The following GRIK2 variants were observed in gnomAD, a reference collection of about 807,000 sequenced individuals.
The protein encoded by GRIK2 is glutamate receptor ionotropic, kainate 2.
GRIK2 carries 32 observed loss-of-function variants against 100.3 expected under a neutral mutation model. The ratio of observed to expected loss-of-function variants is 0.32; its 90% CI spans 0.24 to 0.43. GRIK2 has a LOEUF of 0.43. GRIK2 is among the 20% of genes least tolerant of loss of function. The pLI is 1.00. For synonymous variants in GRIK2, 417 were observed against 389.4 expected (o/e 1.07, Z -0.83); for missense variants, 843 against 1,114.9 (o/e 0.76, Z 3.47).
chr6:102,046,442 TAGTG>T (rs745887346), intron 15 of GRIK2, among the ~76,000 whole-genome samples: 8 of 152,012 alleles, frequency 5.3e-5, no homozygotes, highest in African/African-American at 1.2e-4. Context: ...CTTCTTGTGA[TAGTG>T]AGTGAGTGCT....
At chr6:101,476,983 A>C (rs1173345376) in intron 2 of GRIK2, among the ~76,000 whole-genome samples, 1 of 152,166 alleles carries the variant, frequency 6.6e-6, no homozygotes, top group Non-Finnish European at 1.5e-5. Context: ...AGAGTAGCAA[A>C]CAATGGTTAA....
At chr6:101,856,425 G>A (rs1303108053) in intron 10 of GRIK2, among the ~76,000 whole-genome samples, 1 of 152,146 alleles carries the variant, frequency 6.6e-6, no homozygotes, top group South Asian at 2.1e-4. Flanking sequence ...TATTGGATAC[G>A]TGTGCCTAAG....
chr6:102,029,346 G>A (rs974063195), intron 14 of GRIK2, among the ~76,000 whole-genome samples: 2 of 151,168 alleles, frequency 1.3e-5, no homozygotes, highest in East Asian at 1.9e-4. Context: ...TGTTTTCCAC[G>A]TATAATCTTT....
chr6:101,958,372 A>G (rs1792078878), intron 14 of GRIK2, among the ~76,000 whole-genome samples: 1 of 151,124 alleles, frequency 6.6e-6, no homozygotes, highest in African/African-American at 2.4e-5. Context: ...TTATACATTG[A>G]TTTTGTATCC....
At chr6:101,431,572 G>GA (rs1255971170) in intron 2 of GRIK2, 4 of 151,778 alleles carry the variant, frequency 2.6e-5, no homozygotes, top group Admixed American at 6.5e-5. Context: ...AGTGGCAAGT[G>GA]AAAAAAAAGG....
chr6:101,789,228 A>G (rs1366878186), intron 7 of GRIK2, among the ~76,000 whole-genome samples: 1 of 152,072 alleles, frequency 6.6e-6, no homozygotes, highest in Non-Finnish European at 1.5e-5. Flanking sequence ...CCATTTGTCA[A>G]TTTTGGCTTT....
rs1443521242 is a variant in GRIK2, at chr6:101,399,152, C to T, written c.-126C>T. The T allele has an allele frequency of 4.8e-6, 3 of 621,280 alleles. No individual in the cohort carries two copies. The highest frequency in any genetic ancestry group is 1.8e-5 in the African/African-American group (1 of 54,398). 38.5% of individuals were successfully genotyped at this position (621,280 alleles called of 1,614,324 possible). A position where few individuals can be genotyped will look rare whatever the true frequency, so the allele number is the denominator to read the frequency against. On this transcript the variant is annotated 5_prime_UTR_variant, in exon 2 of 17. Transcript: ENST00000369134. ...GTTTGGGAAGCGGAGACTCCTTCCT[C>T]TCTCTATGACCATGCCGTGATCGTG... is the stretch of plus-strand genomic sequence containing the variant.
chr6:101,524,684 A>G (rs760000548), intron 2 of GRIK2, among the ~76,000 whole-genome samples: 9 of 149,938 alleles, frequency 6.0e-5, no homozygotes, highest in South Asian at 4.2e-4. Context: ...TCCTCCTCAC[A>G]TTAGTCAGAA....
chr6:101,523,920 C>T (rs1372749374), intron 2 of GRIK2, among the ~76,000 whole-genome samples: 1 of 151,962 alleles, frequency 6.6e-6, no homozygotes, highest in African/African-American at 2.4e-5. Context: ...TGGGGTTTCA[C>T]CATATTGGTC....
intron 12 of GRIK2, among the ~76,000 whole-genome samples, chr6:101,915,100 A>C (rs1319483075): frequency 1.3e-5 from 2 of 151,524 alleles, no homozygotes; most frequent in Non-Finnish European, 3.0e-5. Context: ...AAAAGTACTT[A>C]AATATGTACA....
intron 14 of GRIK2, among the ~76,000 whole-genome samples, chr6:102,024,210 A>C (rs1400818458): frequency 6.6e-6 from 1 of 150,746 alleles, no homozygotes; most frequent in African/African-American, 2.4e-5. Flanking sequence ...ACTCTGAGTG[A>C]CTTGTCAGTT....
At chr6:102,063,744 A>C (rs1189406174) in intron 16 of GRIK2, among the ~76,000 whole-genome samples, 3 of 144,004 alleles carry the variant, frequency 2.1e-5, no homozygotes, top group Non-Finnish European at 4.7e-5. Flanking sequence ...TCCAAAATAC[A>C]AAATAGAGCT....
intron 2 of GRIK2, among the ~76,000 whole-genome samples, chr6:101,416,641 G>A (rs527328198): frequency 6.6e-6 from 1 of 152,018 alleles, no homozygotes; most frequent in East Asian, 1.9e-4. Flanking sequence ...AATTCCTCAG[G>A]GTTTGTTGCT....
At chr6:101,724,710 A>G (rs542663809) in intron 7 of GRIK2, among the ~76,000 whole-genome samples, 1 of 152,186 alleles carries the variant, frequency 6.6e-6, no homozygotes, top group South Asian at 2.1e-4. Context: ...GATGGTCCAG[A>G]CACAATTCCA....
chr6:101,502,712 G>A (rs1384504644), intron 2 of GRIK2, among the ~76,000 whole-genome samples: 1 of 152,130 alleles, frequency 6.6e-6, no homozygotes, highest in Non-Finnish European at 1.5e-5. Context: ...AGGTATTGGT[G>A]AATGGGTTCC....
chr6:101,563,405 G>T (rs914323190), intron 2 of GRIK2, among the ~76,000 whole-genome samples: 3 of 151,974 alleles, frequency 2.0e-5, no homozygotes, highest in Non-Finnish European at 4.4e-5. Flanking sequence ...TTAATAATTC[G>T]ATTCAGATTT....
chr6:101,958,133 A>C (rs1158893453), intron 14 of GRIK2, among the ~76,000 whole-genome samples: 2 of 152,072 alleles, frequency 1.3e-5, no homozygotes, highest in African/African-American at 2.4e-5. Flanking sequence ...TGACTCTTCC[A>C]AACTATGAGC....
At position 101,672,456 on chromosome 6, in the gene GRIK2, C is replaced by T. The variant is rs116634990; in HGVS notation, c.542-4167C>T. On this transcript the variant is annotated intron_variant, in intron 4 of 16. Transcript: ENST00000369134. ...CTCAATCATCTTTTCTTATAAATAT[C>T]TCAGTATTCCATCCACATTTTTTCT... 1.3e-3 allele frequency among the ~76,000 whole-genome samples: 191 copies of T among 152,288 alleles called. 2 individuals are homozygous for T. The highest frequency in any genetic ancestry group is 3.8e-3 in the African/African-American group (158 of 41,574).
intron 15 of GRIK2, among the ~76,000 whole-genome samples, chr6:102,036,278 T>C (rs1251809531): frequency 6.7e-6 from 1 of 150,278 alleles, no homozygotes; most frequent in Non-Finnish European, 1.5e-5. Flanking sequence ...TATAAAACAT[T>C]ACAGTACATG....
Sources: gnomAD v4.1 joint callset for allele counts (sites outside exome capture counted in the v4.1 genomes callset) on GRCh38, gnomAD v4.1.1 for gene constraint, MANE v1.5 for transcripts, NCBI Gene and HGNC (gene_info 2026-07-23, HGNC 2026-07-21) for gene names.